Variants in CLEC12A observed in about 807,000 individuals in gnomAD.
The protein encoded by CLEC12A is C-type lectin protein CLL-1.
In CLEC12A, 22 loss-of-function variants were observed where a neutral mutation model predicts 26.5. The ratio of observed to expected loss-of-function variants is 0.83; its 90% CI spans 0.59 to 1.19. The LOEUF (loss-of-function observed/expected upper bound fraction) is 1.19. Ranked by LOEUF, CLEC12A falls within the 50% of genes most tolerant of loss-of-function variation. The pLI is 0.00. For missense variants in CLEC12A, 353 were observed against 315.6 expected (o/e 1.12, Z -0.90); for synonymous variants, 119 against 101.9 (o/e 1.17, Z -1.01).
At chr12:10,002,474 G>A in the CLEC12A span, among the ~76,000 whole-genome samples, 1 of 134,422 alleles carries the variant, frequency 7.4e-6, no homozygotes, top group Non-Finnish European at 1.6e-5. Context: ...ACGGAGTCTC[G>A]CTCTGTCGCC....
intron 1 of CLEC12A, among the ~76,000 whole-genome samples, chr12:9,959,737 C>A (rs769727703): frequency 1.3e-5 from 2 of 152,104 alleles, no homozygotes; most frequent in Non-Finnish European, 2.9e-5. Flanking sequence ...CCAAGGAGAC[C>A]TCAGTTTCCA....
chr12:9,973,233 G>A (rs1304130857), intron 1 of CLEC12A, among the ~76,000 whole-genome samples: 2 of 152,114 alleles, frequency 1.3e-5, no homozygotes, highest in Non-Finnish European at 1.5e-5. Flanking sequence ...GGCCAAGATG[G>A]GAGGATTATT....
chr12:9,953,524 G>C lies in CLEC12A; in HGVS notation c.10+2168G>C, dbSNP rs1307674842. On this transcript the variant is annotated intron_variant, in intron 1 of 6. Coordinates refer to the CLEC12A transcript ENST00000355690. Reference sequence around the variant, plus strand: ...AGGTGAGGGGCGCCTCTGCCCGGCCGCCCCCTACTGGGAAGTGAGGAGCCC... The same window carrying C: ...AGGTGAGGGGCGCCTCTGCCCGGCCCCCCCCTACTGGGAAGTGAGGAGCCC... Among the ~76,000 whole-genome samples the C allele has an allele frequency of 5.4e-5, 8 of 148,170 alleles. No individual in the cohort carries two copies. The East Asian group carries it at 1.6e-3, about 30-fold the overall frequency.
chr12:9,963,068 G>A lies in CLEC12A; in HGVS notation c.11-8509G>A, dbSNP rs370814090. 2.5e-3 allele frequency among the ~76,000 whole-genome samples: 377 copies of A among 152,232 alleles called. 4 individuals are homozygous for A. Among genetic ancestry groups the A allele is most frequent in the African/African-American group, 8.7e-3 (360 of 41,524 alleles). On this transcript the variant is annotated intron_variant, in intron 1 of 6. Coordinates refer to the CLEC12A transcript ENST00000355690. ...TGTGGAGTTGCTAGAAGAAACATTT[G>A]TCATTTAGAATTATTCGTGATGGCC...
rs1273155438 is a variant in CLEC12A, at chr12:9,984,950, C to A, written c.722C>A (p.Thr241Asn). 3 of 1,572,396 alleles carry A rather than the reference C, an allele frequency of 1.9e-6. No homozygotes were observed. In the Admixed American group the frequency reaches 5.4e-5, roughly 28 times the overall value. ...CTATATGTTCAATATTATCACTGCA[C>A]TTATAAAAAAAGAATGATATGTGAG... ...NRLYVQYYHC[T>N]YKKRMICEKM... The change falls in exon 6 of 6, where the codon ACT becomes AAT. Residue 241 changes from threonine to asparagine, a missense_variant. Physicochemically the swap from Thr to Asn is moderately conservative, Grantham distance 65. Coordinates refer to ENST00000304361, the MANE Select transcript of CLEC12A (RefSeq NM_138337.6).
In CLEC12A at chr12:9,979,500, C is replaced by T. The variant is rs1283660732; in HGVS notation, c.355C>T (p.Arg119Cys). The T allele has an allele frequency of 2.9e-5, 46 of 1,612,424 alleles. No homozygotes were observed. Among genetic ancestry groups the T allele is most frequent in the Non-Finnish European group, 3.6e-5 (43 of 1,179,310 alleles). The change falls in exon 3 of 6, where the codon CGT (arginine) becomes TGT (cysteine). Residue 119 changes from arginine to cysteine, a missense_variant. Transcript: ENST00000304361. Reference sequence around the variant, plus strand: ...GCAAACAATAGCCACCAAATTATGTCGTGAGCTATATAGCAAAGAACAAGG... The same window carrying T: ...GCAAACAATAGCCACCAAATTATGTTGTGAGCTATATAGCAAAGAACAAGG... ...TLQTIATKLC[R>C]ELYSKEQEHK...
At chr12:10,003,308 A>G in the CLEC12A span, among the ~76,000 whole-genome samples, 1 of 152,222 alleles carries the variant, frequency 6.6e-6, no homozygotes, top group African/African-American at 2.4e-5. Context: ...TTTTAAAGTT[A>G]ATAAGCTAAA....
At chr12:9,995,153 T>C (rs1451544488) in exon 5 of CLEC12A, 1 of 1,612,730 alleles carries the variant, frequency 6.2e-7, no homozygotes. Flanking sequence ...TTTTCTGAGA[T>C]AACCGAGCCA....
chr12:9,967,602 T>A (rs576240246), upstream of CLEC12A, among the ~76,000 whole-genome samples: 1 of 150,126 alleles, frequency 6.7e-6, no homozygotes, highest in South Asian at 2.1e-4. Context: ...AGTAGAGACA[T>A]GGAGAGAAGG....
chr12:9,999,255 T>C (rs1236546472), downstream of CLEC12A: 6 of 520,394 alleles, frequency 1.2e-5, no homozygotes, highest in Non-Finnish European at 2.0e-5. Flanking sequence ...CCTTTGCTTA[T>C]TGTTTTCCAG....
chr12:9,976,942 G>C lies in CLEC12A; in HGVS notation c.92-2024G>C, dbSNP rs1864361483. 2.0e-5 allele frequency among the ~76,000 whole-genome samples: 3 copies of C among 152,196 alleles called. No homozygotes were observed. The South Asian group carries it at 6.2e-4, about 32-fold the overall frequency. ...TCTTCTCTTGTCTGCTGCCATATGAGGTGTGCCTTTCACCTTCCACCATGA... is the reference window on the plus strand; with the variant it reads ...TCTTCTCTTGTCTGCTGCCATATGACGTGTGCCTTTCACCTTCCACCATGA... On this transcript the variant is annotated intron_variant, in intron 1 of 5. Coordinates refer to ENST00000304361, the MANE Select transcript of CLEC12A (RefSeq NM_138337.6).
chr12:10,005,705 C>G, the CLEC12A span, among the ~76,000 whole-genome samples: 3,496 of 152,276 alleles, frequency 0.023, 50 homozygotes, highest in African/African-American at 0.037. Context: ...GTATATTCAC[C>G]TGATGGGGTA....
intron 4 of CLEC12A, among the ~76,000 whole-genome samples, chr12:9,981,691 C>G (rs1177358033): frequency 6.6e-6 from 1 of 152,008 alleles, no homozygotes; most frequent in Non-Finnish European, 1.5e-5. Flanking sequence ...TAGCCATTAC[C>G]CACCTCCTTT....
chr12:9,989,602 G>C (rs1864849344), downstream of CLEC12A, among the ~76,000 whole-genome samples: 1 of 152,184 alleles, frequency 6.6e-6, no homozygotes, highest in South Asian at 2.1e-4. Flanking sequence ...GCAGAGGTTG[G>C]TTCATCAGGT....
rs1364876078 is a variant in CLEC12A at position 9,966,193 on chromosome 12, T to C, written c.11-5384T>C. 5.3e-5 allele frequency among the ~76,000 whole-genome samples: 8 copies of C among 152,288 alleles called. No individual in the cohort carries two copies. In the East Asian group the frequency reaches 1.5e-3, roughly 29 times the overall value. Reference sequence around the variant, plus strand: ...GTTATGAAGGCAAGGGAAACAGGCCTTTGAAAAGAAGGTAATGTGGAGTGG... The same window carrying C: ...GTTATGAAGGCAAGGGAAACAGGCCCTTGAAAAGAAGGTAATGTGGAGTGG... On this transcript the variant is annotated intron_variant, in intron 1 of 6. Transcript: ENST00000355690.
intron 1 of CLEC12A, among the ~76,000 whole-genome samples, chr12:9,974,454 A>G (rs930562656): frequency 2.6e-5 from 4 of 152,220 alleles, no homozygotes; most frequent in African/African-American, 9.7e-5. Context: ...TCAAGACTAG[A>G]AAATACATGT....
At chr12:9,968,954 G>A (rs1272906049), upstream of CLEC12A, among the ~76,000 whole-genome samples, 2 of 152,148 alleles carry the variant, frequency 1.3e-5, no homozygotes, top group Non-Finnish European at 2.9e-5. Context: ...GCAGAAACAG[G>A]AGTGGAACTG....
chr12:9,952,472 C>G (rs1471364683), intron 1 of CLEC12A: 1 of 152,412 alleles, frequency 6.6e-6, no homozygotes, highest in African/African-American at 2.6e-5. Flanking sequence ...CTCGTTCACT[C>G]AGTGCTCAAT....
chr12:10,004,038 G>A, the CLEC12A span, among the ~76,000 whole-genome samples: 1 of 152,222 alleles, frequency 6.6e-6, no homozygotes, highest in South Asian at 2.1e-4. Flanking sequence ...AGCAGGGTAT[G>A]TGACGGGCAT....
Sources: allele counts gnomAD v4.1 joint callset (sites outside exome capture counted in the v4.1 genomes callset), GRCh38; gene constraint gnomAD v4.1.1; transcripts MANE v1.5; gene names NCBI Gene and HGNC (gene_info 2026-07-23, HGNC 2026-07-21).